Variants in AK9 observed in about 807,000 individuals in gnomAD.
AK9 encodes the protein adenylate kinase 9, also known as adenylate kinase domain containing 1.
A neutral mutation model predicts 239.6 loss-of-function variants in AK9; 191 were observed. The ratio of observed to expected loss-of-function variants is 0.80; its 90% confidence interval spans 0.71 to 0.90. The LOEUF is 0.90. Ranked by LOEUF, AK9 falls within the 40% of genes least tolerant of loss-of-function variation. The pLI, the probability that AK9 is intolerant of heterozygous loss-of-function variation, is 0.00. For missense variants in AK9, 1,995 were observed against 2,214.7 expected (o/e 0.90, Z 1.99); for synonymous variants, 689 against 721.0 (o/e 0.96, Z 0.71).
intron 17 of AK9, among the ~76,000 whole-genome samples, chr6:109,601,325 T>C (rs1791923933): frequency 3.3e-5 from 5 of 152,252 alleles, no homozygotes; most frequent in Admixed American, 3.3e-4. Flanking sequence ...TGCTTTCATT[T>C]CGTTATGTAC....
At position 109,497,477 on chromosome 6, in the gene AK9, T is replaced by G; in HGVS notation, c.5303A>C (p.Gln1768Pro). The G allele has an allele frequency of 6.3e-7, 1 of 1,590,184 alleles. No individual in the cohort carries two copies. The highest frequency in any genetic ancestry group is 1.1e-5 in the South Asian group (1 of 90,258). The change falls in exon 38 of 41, where the codon CAG (glutamine) becomes CCG (proline). Residue 1768 changes from glutamine to proline, a missense_variant. This residue lies in a region of AK9 where 391 missense variants were observed against 456.0 expected (regional missense o/e 0.86). Transcript: ENST00000424296. ...IYICENKEKL[Q>P]KFLRSPLKYW... ...TTAATGGTCTCACCTCAAAAATTTC[T>G]GGAGTTTTTCTTTGTTCTCACAAAT...
chr6:109,623,900 CACACAT>C (rs1327295414), intron 12 of AK9, among the ~76,000 whole-genome samples: 1 of 136,620 alleles, frequency 7.3e-6, no homozygotes, highest in Non-Finnish European at 1.5e-5. Context: ...CACACACACA[CACACAT>C]TTCTTCTCCC....
intron 17 of AK9, among the ~76,000 whole-genome samples, chr6:109,599,751 T>C (rs1294441109): frequency 3.9e-5 from 6 of 152,344 alleles, no homozygotes; most frequent in Non-Finnish European, 8.8e-5. Flanking sequence ...TTTATTTCCT[T>C]GAGCAGTGGT....
At chr6:109,616,043 C>T (rs780879952) in intron 13 of AK9, among the ~76,000 whole-genome samples, 2 of 151,928 alleles carry the variant, frequency 1.3e-5, no homozygotes, top group Non-Finnish European at 2.9e-5. Flanking sequence ...AGAGACCAGC[C>T]TGGACATCAT....
rs1465571931 is a variant in AK9, at chr6:109,546,021, T to G, written c.3071A>C (p.Glu1024Ala). 1 of 1,613,978 alleles carries G rather than the reference T, an allele frequency of 6.2e-7. No homozygotes were observed. The change falls in exon 26 of 41, where the codon GAA becomes GCA. Residue 1024 changes from glutamate (E) to alanine (A), a missense_variant. Physicochemically the swap from Glu to Ala is moderately radical, Grantham distance 107. This residue lies in a region of AK9 where 1,290 missense variants were observed against 1,392.7 expected (regional missense o/e 0.93). Coordinates refer to ENST00000424296, the MANE Select transcript of AK9 (RefSeq NM_001145128.3). ...GAGTAGTAGTTTTTCTTGAAGAACT[T>G]CTTCAAACTGAATGTGAAAAATGTT... is the stretch of plus-strand genomic sequence containing the variant. ...KLNIFHIQFE[E>A]VLQEKLLLKT...
chr6:109,563,517 A>C (rs1786042985), intron 24 of AK9, 80 bp downstream of exon 24: 2 of 1,507,182 alleles, frequency 1.3e-6, no homozygotes, highest in East Asian at 5.0e-5. Context: ...CTTGGGGTCC[A>C]AAAGTGATAG....
chr6:109,588,754 C>G (rs1293820309), intron 17 of AK9, among the ~76,000 whole-genome samples: 1 of 152,040 alleles, frequency 6.6e-6, no homozygotes, highest in Non-Finnish European at 1.5e-5. Context: ...AATTTTGTAT[C>G]TGGTGAGAGA....
chr6:109,614,764 G>A (rs1583263353), intron 13 of AK9, among the ~76,000 whole-genome samples: 1 of 152,120 alleles, frequency 6.6e-6, no homozygotes, highest in Non-Finnish European at 1.5e-5. Context: ...GCTGTTCCAT[G>A]TTAGCTGCCA....
intron 19 of AK9, among the ~76,000 whole-genome samples, chr6:109,580,342 G>A (rs879274921): frequency 2.0e-5 from 3 of 152,130 alleles, no homozygotes; most frequent in African/African-American, 7.2e-5. Context: ...CGGAAAGTTA[G>A]TAAAATGCTG....
chr6:109,630,841 T>A (rs555147450), intron 12 of AK9, among the ~76,000 whole-genome samples: 10 of 151,658 alleles, frequency 6.6e-5, no homozygotes, highest in African/African-American at 2.2e-4. Flanking sequence ...CAAGACCTTG[T>A]CTCAAAAAGA....
intron 27 of AK9, among the ~76,000 whole-genome samples, chr6:109,536,664 G>A (rs557374076): frequency 4.6e-4 from 70 of 152,288 alleles, no homozygotes; most frequent in Middle Eastern, 3.4e-3. Flanking sequence ...GTGAGAGAGG[G>A]CATCCCTGTC....
chr6:109,585,107 T>C lies in AK9; in HGVS notation c.2114+16A>G. On this transcript the variant is annotated intron_variant, in intron 19 of 40. Coordinates refer to ENST00000424296, the MANE Select transcript of AK9 (RefSeq NM_001145128.3). Reference sequence around the variant, plus strand: ...CAGATACATTAATCTGTTTTATCATTCTAGGCAGATTTTACCTTGCTTCTT... The same window carrying C: ...CAGATACATTAATCTGTTTTATCATCCTAGGCAGATTTTACCTTGCTTCTT... 8.8e-7 allele frequency: 1 copy of C among 1,131,434 alleles called. No homozygotes were observed. The highest frequency in any genetic ancestry group is 1.1e-6 in the Non-Finnish European group (1 of 897,626). 70.1% of individuals were successfully genotyped at this position (1,131,434 alleles called of 1,614,324 possible).
At chr6:109,558,705 T>A (rs1046096584) in intron 24 of AK9, among the ~76,000 whole-genome samples, 2 of 152,194 alleles carry the variant, frequency 1.3e-5, no homozygotes, top group Admixed American at 1.3e-4. Context: ...TTCATTATTT[T>A]AAGTACTCTG....
intron 17 of AK9, among the ~76,000 whole-genome samples, chr6:109,593,141 T>TG (rs1790516506): frequency 6.6e-6 from 1 of 152,104 alleles, no homozygotes; most frequent in Non-Finnish European, 1.5e-5. Context: ...CTGCTTGTGC[T>TG]GGGCTATTGT....
chr6:109,685,577 C>T (rs532068228), intron 1 of AK9, among the ~76,000 whole-genome samples: 7 of 129,714 alleles, frequency 5.4e-5, no homozygotes, highest in East Asian at 2.5e-4. Context: ...TGGGGCCTTT[C>T]GGGGGTGGGG....
At chr6:109,684,170 G>A (rs1267294679) in intron 1 of AK9, among the ~76,000 whole-genome samples, 1 of 152,152 alleles carries the variant, frequency 6.6e-6, no homozygotes, top group Non-Finnish European at 1.5e-5. Context: ...TTTAAAAAAT[G>A]GTGTTGGGAA....
intron 25 of AK9, 121 bp from the exon 26 acceptor site, chr6:109,546,248 A>G (rs1365892139): frequency 1.0e-5 from 9 of 883,668 alleles, no homozygotes; most frequent in South Asian, 1.9e-5. Flanking sequence ...GGTAGGAATG[A>G]TCACATCATG....
chr6:109,690,326 T>A (rs1303329128), intron 1 of AK9: 1 of 152,338 alleles, frequency 6.6e-6, no homozygotes, highest in South Asian at 2.1e-4. Context: ...GAGACGTGGT[T>A]TTAAAAAGTG....
In AK9 at chr6:109,627,133, C is replaced by CTTTTTTTTTTTTTTTTTTTTTT. The variant is rs71018357; in HGVS notation, c.1254+5768_1254+5789dup. On this transcript the variant is annotated intron_variant, in intron 12 of 40. Coordinates refer to ENST00000424296, the MANE Select transcript of AK9 (RefSeq NM_001145128.3). ...TTTTTTCTATTTTTCGATGTTTAAGCTTTTTTTTTTTTTTTTTTTTTTTTT... is the reference window on the plus strand; with the variant it reads ...TTTTTTCTATTTTTCGATGTTTAAGCTTTTTTTTTTTTTTTTTTTTTTTTTTTTTTTTTTTTTTTTTTTTTTT... Among the ~76,000 whole-genome samples the CTTTTTTTTTTTTTTTTTTTTTT allele has an allele frequency of 3.0e-5, 2 of 67,308 alleles. 1 individual carries two copies. The highest frequency in any genetic ancestry group is 1.2e-4 in the African/African-American group (2 of 16,446). 44.2% of individuals were successfully genotyped at this position (67,308 alleles called of 152,430 possible).
Sources: allele counts gnomAD v4.1 joint callset (sites outside exome capture counted in the v4.1 genomes callset), GRCh38; gene constraint gnomAD v4.1.1; regional missense constraint gnomAD v4.1.1; transcripts MANE v1.5; gene names NCBI Gene and HGNC (gene_info 2026-07-23, HGNC 2026-07-21).